LITAF: variants seen among roughly 807,000 people sequenced by gnomAD.
LITAF encodes the protein lipopolysaccharide-induced tumor necrosis factor-alpha factor.
In LITAF, 9 loss-of-function variants were observed where a neutral mutation model predicts 14.5. The observed-to-expected ratio is 0.62, with a 90% CI of 0.37 to 1.08. The LOEUF is 1.08. Among genes scored for constraint, LITAF ranks in the 50% least tolerant of loss-of-function variants. LITAF has a pLI of 0.01. For synonymous variants in LITAF, 98 were observed against 88.2 expected, an observed-to-expected ratio of 1.11 and a Z score of -0.62; for missense variants, 206 against 213.4, an observed-to-expected ratio of 0.97 and a Z score of 0.22.
intron 2 of LITAF, among the ~76,000 whole-genome samples, chr16:11,555,847 A>G (rs766646985): frequency 1.1e-4 from 16 of 152,156 alleles, no homozygotes; most frequent in Non-Finnish European, 1.9e-4. Context: ...CAACTCACTG[A>G]TATTTATAAA....
At chr16:11,607,005 G>A (rs980372146) in intron 3 of LITAF, among the ~76,000 whole-genome samples, 1 of 152,168 alleles carries the variant, frequency 6.6e-6, no homozygotes. Flanking sequence ...TTATGGATGA[G>A]GAAACTGAGT....
At chr16:11,626,186 A>C (rs1016089235) in intron 3 of LITAF, among the ~76,000 whole-genome samples, 21 of 152,150 alleles carry the variant, frequency 1.4e-4, no homozygotes, top group African/African-American at 4.8e-4. Flanking sequence ...AAACGAACAA[A>C]AAAAAAAACT....
chr16:11,624,077 G>C (rs2065068675), intron 3 of LITAF, among the ~76,000 whole-genome samples: 1 of 152,122 alleles, frequency 6.6e-6, no homozygotes, highest in African/African-American at 2.4e-5. Flanking sequence ...TTAAGCTCAG[G>C]AGATCAAGAC....
chr16:11,618,722 C>T (rs2065031856), intron 3 of LITAF, among the ~76,000 whole-genome samples: 2 of 152,126 alleles, frequency 1.3e-5, no homozygotes, highest in Admixed American at 1.3e-4. Flanking sequence ...CGGGGGCTCA[C>T]ACCTGTAATC....
chr16:11,569,161 A>G (rs1315635869), intron 1 of LITAF, among the ~76,000 whole-genome samples: 1 of 152,206 alleles, frequency 6.6e-6, no homozygotes, highest in Non-Finnish European at 1.5e-5. Context: ...GCAGAATCCC[A>G]TCAGAAATTG....
At chr16:11,588,462 C>T (rs1403671823), upstream of LITAF, among the ~76,000 whole-genome samples, 5 of 149,734 alleles carry the variant, frequency 3.3e-5, no homozygotes, top group East Asian at 7.8e-4. Context: ...ATAATCGAGC[C>T]ACTGCACTGT....
chr16:11,590,520 T>A (rs1268946061), upstream of LITAF, among the ~76,000 whole-genome samples: 1 of 117,516 alleles, frequency 8.5e-6, no homozygotes, highest in East Asian at 2.9e-4. Context: ...TGTGATAAAG[T>A]ATTGAATTAA....
At chr16:11,638,827 A>G (rs2065153570), upstream of LITAF, among the ~76,000 whole-genome samples, 1 of 149,106 alleles carries the variant, frequency 6.7e-6, no homozygotes, top group African/African-American at 2.4e-5. Flanking sequence ...AATCACAGGT[A>G]TTTTTAATTC....
At chr16:11,575,686 G>C (rs961593246) in intron 1 of LITAF, 3 of 152,094 alleles carry the variant, frequency 2.0e-5, no homozygotes, top group Non-Finnish European at 4.4e-5. Context: ...CTCGCGGTCA[G>C]CGTAAACACA....
intron 1 of LITAF, among the ~76,000 whole-genome samples, chr16:11,565,347 T>G (rs1163778212): frequency 6.6e-6 from 1 of 150,526 alleles, no homozygotes; most frequent in Non-Finnish European, 1.5e-5. Context: ...CCGCCCAAAG[T>G]GCTGGGATTA....
At chr16:11,576,726 C>G (rs1332864619) in intron 1 of LITAF, among the ~76,000 whole-genome samples, 2 of 152,134 alleles carry the variant, frequency 1.3e-5, no homozygotes, top group Non-Finnish European at 2.9e-5. Context: ...CCAGCAGAAC[C>G]CAGCGTGCAA....
chr16:11,598,297 T>TC (rs900926629), intron 1 of LITAF: 1 of 150,930 alleles, frequency 6.6e-6, no homozygotes, highest in Non-Finnish European at 1.5e-5. Flanking sequence ...CTTTTTTTTT[T>TC]TTTTGCCCCA....
Position 11,549,481 on chromosome 16 carries a change from T to C in LITAF, c.*156A>G, listed in dbSNP as rs1567233071. On this transcript the variant is annotated 3_prime_UTR_variant, in exon 4 of 4. Coordinates refer to ENST00000622633, the MANE Select transcript of LITAF (RefSeq NM_001136472.2). This position sits in a 1 kb window ranked among gnomAD's most constrained non-coding sequence, Gnocchi z 4.6. The stretch of plus-strand genomic sequence containing the variant: ...GCAATTTCTGGGGTTTGGAGATTTG[T>C]TAGTTTTGCGACGTATTCCCCCCAA... The C allele has an allele frequency of 2.9e-6, 2 of 686,478 alleles. No homozygotes were observed. The highest frequency in any genetic ancestry group is 5.3e-6 in the Non-Finnish European group (2 of 375,432). The allele number at this position is 686,478 out of a possible 1,614,324, so 42.5% of individuals were successfully genotyped here.
At chr16:11,607,234 C>G (rs911052498) in intron 3 of LITAF, among the ~76,000 whole-genome samples, 1 of 152,208 alleles carries the variant, frequency 6.6e-6, no homozygotes, top group Admixed American at 6.5e-5. Context: ...TGGCCTCAGC[C>G]TTGCATCACA....
At position 11,549,915 on chromosome 16, in the gene LITAF, T is replaced by G; in HGVS notation, c.378-170A>C. 1.6e-6 allele frequency: 1 copy of G among 641,136 alleles called. No individual in the cohort carries two copies. The highest frequency in any genetic ancestry group is 3.1e-5 in the East Asian group (1 of 32,148). The allele number at this position is 641,136 out of a possible 1,614,324, so 39.7% of individuals were successfully genotyped here. On this transcript the variant is annotated intron_variant, in intron 3 of 3. Coordinates refer to ENST00000622633, the MANE Select transcript of LITAF (RefSeq NM_001136472.2). This position sits in a 1 kb window ranked among gnomAD's most constrained non-coding sequence, Gnocchi z 4.6. Reference sequence around the variant, plus strand: ...ATCCAGGCGGACCCCTAAAACCCAATGACCTTAGAAGAAGAGGAGAGGACA... The same window carrying G: ...ATCCAGGCGGACCCCTAAAACCCAAGGACCTTAGAAGAAGAGGAGAGGACA...
rs34798243 is a variant in LITAF, at chr16:11,565,006, CT to C, written c.-5-8272del. ...GAACTTACTAAATGCACTGAATTATCTTTTTTTTTTTTTTTGAGATAGAGTC... is the reference window on the plus strand; with the variant it reads ...GAACTTACTAAATGCACTGAATTATCTTTTTTTTTTTTTTGAGATAGAGTC... On this transcript the variant is annotated intron_variant, in intron 1 of 3. Transcript: ENST00000622633. Among the ~76,000 whole-genome samples the C allele has an allele frequency of 8.6e-4, 117 of 136,350 alleles. 1 individual carries two copies. Among genetic ancestry groups the C allele is most frequent in the South Asian group, 3.4e-3 (15 of 4,374 alleles). 89.5% of individuals were successfully genotyped at this position (136,350 alleles called of 152,430 possible). A position where few individuals can be genotyped will look rare whatever the true frequency, so the allele number is the denominator to read the frequency against.
At chr16:11,610,586 T>A (rs546404943) in intron 3 of LITAF, among the ~76,000 whole-genome samples, 3 of 152,068 alleles carry the variant, frequency 2.0e-5, no homozygotes, top group South Asian at 4.2e-4. Flanking sequence ...AGTGCTCAGG[T>A]TTTCCCCCGA....
chr16:11,557,070 T>TTTGTTTG (rs1555467013), intron 1 of LITAF, among the ~76,000 whole-genome samples: 3 of 24,734 alleles, frequency 1.2e-4, no homozygotes, highest in African/African-American at 3.9e-4. Context: ...CGTTGTTTTT[T>TTTGTTTG]TTTGTTTGTT....
At chr16:11,592,589 AAAGGGC>A (rs2141852178) in intron 1 of LITAF, among the ~76,000 whole-genome samples, 1 of 151,846 alleles carries the variant, frequency 6.6e-6, no homozygotes, top group Admixed American at 6.6e-5. Context: ...GAAAAAAAAA[AAAGGGC>A]AAAGGACTTG....
Sources: allele counts gnomAD v4.1 joint callset (sites outside exome capture counted in the v4.1 genomes callset), GRCh38; gene constraint gnomAD v4.1.1; non-coding constraint Gnocchi (gnomAD v3.1); transcripts MANE v1.5; gene names NCBI Gene and HGNC (gene_info 2026-07-23, HGNC 2026-07-21).